The following ACVR2A variants were observed in gnomAD, a reference collection of about 807,000 sequenced individuals.
The protein encoded by ACVR2A is activin receptor type-2A.
ACVR2A carries 7 observed loss-of-function variants against 61.4 expected under a neutral mutation model. The ratio of observed to expected loss-of-function variants is 0.11; its 90% CI spans 0.06 to 0.21. The LOEUF is 0.21. ACVR2A is among the 10% of genes least tolerant of loss of function. The pLI, the probability that ACVR2A is intolerant of heterozygous loss-of-function variation, is 1.00. For synonymous variants in ACVR2A, 193 were observed against 208.3 expected, an observed-to-expected ratio of 0.93 and a Z score of 0.63; for missense variants, 322 against 621.7, an observed-to-expected ratio of 0.52 and a Z score of 5.13.
At chr2:147,887,284 T>A (rs894623582) in intron 1 of ACVR2A, among the ~76,000 whole-genome samples, 4 of 152,066 alleles carry the variant, frequency 2.6e-5, no homozygotes, top group African/African-American at 9.7e-5. Context: ...TGGAACAGTT[T>A]GGGAAAAAAA....
chr2:147,879,430 A>G (rs1686240719), intron 1 of ACVR2A, among the ~76,000 whole-genome samples: 1 of 152,222 alleles, frequency 6.6e-6, no homozygotes, highest in African/African-American at 2.4e-5. Flanking sequence ...TACACTGGCA[A>G]TTAAATTTCA....
In ACVR2A at chr2:147,903,644, C is replaced by A. The variant is rs1289173072; in HGVS notation, c.528+3746C>A. 3.3e-5 allele frequency among the ~76,000 whole-genome samples: 5 copies of A among 151,922 alleles called. No homozygotes were observed. The East Asian group carries it at 9.6e-4, about 29-fold the overall frequency. The stretch of plus-strand genomic sequence containing the variant: ...TACTCTCTTTGTCTTTTGGTACTTT[C>A]TTCCCATTACACCCCAAAACATCTG... On this transcript the variant is annotated intron_variant, in intron 4 of 10. Coordinates refer to ENST00000241416, the MANE Select transcript of ACVR2A (RefSeq NM_001616.5).
At chr2:147,868,027 C>T (rs1389747113) in intron 1 of ACVR2A, among the ~76,000 whole-genome samples, 1 of 152,186 alleles carries the variant, frequency 6.6e-6, no homozygotes, top group Non-Finnish European at 1.5e-5. Flanking sequence ...CTGATTGTTA[C>T]ACTTTCTACA....
intron 4 of ACVR2A, among the ~76,000 whole-genome samples, chr2:147,909,782 C>A (rs1352813449): frequency 6.6e-6 from 1 of 152,018 alleles, no homozygotes; most frequent in Non-Finnish European, 1.5e-5. Context: ...GGACCACAGG[C>A]ATATGCAACC....
chr2:147,892,150 T>G (rs1173483681), intron 1 of ACVR2A, among the ~76,000 whole-genome samples: 2 of 152,040 alleles, frequency 1.3e-5, no homozygotes, highest in Admixed American at 1.3e-4. Flanking sequence ...TTTTGTATTT[T>G]TAACAGAGAA....
intron 1 of ACVR2A, among the ~76,000 whole-genome samples, chr2:147,846,177 GAGTT>G (rs1328442992): frequency 6.6e-6 from 1 of 152,044 alleles, no homozygotes; most frequent in Non-Finnish European, 1.5e-5. Flanking sequence ...CATAACAGGA[GAGTT>G]AGTTCAATAG....
intron 1 of ACVR2A, among the ~76,000 whole-genome samples, chr2:147,880,362 C>T (rs1246424814): frequency 1.3e-5 from 2 of 152,110 alleles, no homozygotes; most frequent in Non-Finnish European, 2.9e-5. Flanking sequence ...AATGCCAACT[C>T]AGGATACTTC....
Position 147,883,637 on chromosome 2 carries a change from T to C in ACVR2A, c.56-12664T>C, listed in dbSNP as rs539108097. ...AAAAACTGTTGGTGATTATGGCCTG[T>C]TAAGTGATTCTATATCCATTGTTAT... On this transcript the variant is annotated intron_variant, in intron 1 of 10. Coordinates refer to ENST00000241416, the MANE Select transcript of ACVR2A (RefSeq NM_001616.5). Among the ~76,000 whole-genome samples, 9 of 152,284 alleles carry C rather than the reference T, an allele frequency of 5.9e-5. No individual in the cohort carries two copies. In the East Asian group the frequency reaches 1.7e-3, roughly 29 times the overall value.
chr2:147,887,362 T>A lies in ACVR2A; in HGVS notation c.56-8939T>A, dbSNP rs527762378. Among the ~76,000 whole-genome samples, 26 of 152,338 alleles carry A rather than the reference T, an allele frequency of 1.7e-4. 1 individual carries two copies. The South Asian group carries it at 5.2e-3, about 30-fold the overall frequency. Reference sequence around the variant, plus strand: ...GATTGACTACATCTATTTGTCAATTTACCAAATATTAATTGAATGCCTTCT... The same window carrying A: ...GATTGACTACATCTATTTGTCAATTAACCAAATATTAATTGAATGCCTTCT... On this transcript the variant is annotated intron_variant, in intron 1 of 10. Transcript: ENST00000241416.
At chr2:147,888,001 T>C (rs1229053748) in intron 1 of ACVR2A, among the ~76,000 whole-genome samples, 1 of 152,192 alleles carries the variant, frequency 6.6e-6, no homozygotes, top group East Asian at 1.9e-4. Flanking sequence ...ACTGGGATAA[T>C]AGAGTGAGGA....
chr2:147,859,160 C>T (rs1196305658), intron 1 of ACVR2A, among the ~76,000 whole-genome samples: 1 of 152,190 alleles, frequency 6.6e-6, no homozygotes, highest in Non-Finnish European at 1.5e-5. Flanking sequence ...CTTTGTTTTA[C>T]CCCCAAGAAT....
chr2:147,862,682 T>A (rs1205702093), intron 1 of ACVR2A, among the ~76,000 whole-genome samples: 3 of 151,578 alleles, frequency 2.0e-5, no homozygotes, highest in Non-Finnish European at 4.4e-5. Context: ...AGACGGATGT[T>A]GCAGTGAGCC....
intron 1 of ACVR2A, among the ~76,000 whole-genome samples, chr2:147,880,167 T>G (rs1686264554): frequency 6.6e-6 from 1 of 152,132 alleles, no homozygotes; most frequent in South Asian, 2.1e-4. Flanking sequence ...TGGTTGCTGC[T>G]CTGTATTATC....
intron 1 of ACVR2A, among the ~76,000 whole-genome samples, chr2:147,857,442 C>T (rs1031194989): frequency 3.3e-5 from 5 of 149,416 alleles, no homozygotes; most frequent in African/African-American, 4.9e-5. Context: ...ACCATTGAAA[C>T]GTTATTTGTC....
chr2:147,875,923 C>G (rs1211222779), intron 1 of ACVR2A, among the ~76,000 whole-genome samples: 2 of 152,030 alleles, frequency 1.3e-5, no homozygotes, highest in African/African-American at 4.8e-5. Flanking sequence ...TCAGCCTTCC[C>G]TTTTAGGTTA....
chr2:147,896,613 T>A lies in ACVR2A; in HGVS notation c.263+105T>A, dbSNP rs140681595. The A allele has an allele frequency of 4.9e-4, 546 of 1,110,994 alleles. No homozygotes were observed. In the African/African-American group the frequency reaches 5.1e-3, roughly 10 times the overall value. 68.8% of individuals were successfully genotyped at this position (1,110,994 alleles called of 1,614,324 possible). A position where few individuals can be genotyped will look rare whatever the true frequency, so the allele number is the denominator to read the frequency against. ...GCATAAATTTTCACTTAAATGTTTC[T>A]TGCTTTTTAAAAAATGGGATTATAA... is the stretch of plus-strand genomic sequence containing the variant. On this transcript the variant is annotated intron_variant, in intron 2 of 10. Coordinates refer to ENST00000241416, the MANE Select transcript of ACVR2A (RefSeq NM_001616.5).
At chr2:147,848,247 A>C (rs1226736414) in intron 1 of ACVR2A, among the ~76,000 whole-genome samples, 1 of 152,218 alleles carries the variant, frequency 6.6e-6, no homozygotes, top group Non-Finnish European at 1.5e-5. Flanking sequence ...ATACATTGAA[A>C]CATGGAGACT....
chr2:147,908,311 G>T (rs1687038520), intron 4 of ACVR2A, among the ~76,000 whole-genome samples: 1 of 152,112 alleles, frequency 6.6e-6, no homozygotes, highest in South Asian at 2.1e-4. Flanking sequence ...CCCAAAAAGA[G>T]AATGGGCATA....
chr2:147,885,409 T>C (rs887117523), intron 1 of ACVR2A, among the ~76,000 whole-genome samples: 1 of 152,030 alleles, frequency 6.6e-6, no homozygotes, highest in Admixed American at 6.6e-5. Flanking sequence ...GATAAAAGGG[T>C]ATAGTAAAAA....
Sources: gnomAD v4.1 joint callset for allele counts (sites outside exome capture counted in the v4.1 genomes callset) on GRCh38, gnomAD v4.1.1 for gene constraint, MANE v1.5 for transcripts, NCBI Gene and HGNC (gene_info 2026-07-23, HGNC 2026-07-21) for gene names.